RALA: variants seen among roughly 807,000 people sequenced by gnomAD.
RALA encodes the protein RAS like proto-oncogene A, also known as ras-related protein Ral-A.
RALA carries 5 observed loss-of-function variants against 24.0 expected under a neutral mutation model. The observed-to-expected ratio is 0.21, with a 90% CI of 0.11 to 0.44. The LOEUF (loss-of-function observed/expected upper bound fraction) is 0.44. Ranked by LOEUF, RALA falls within the 20% of genes least tolerant of loss-of-function variation. RALA has a pLI of 0.99. For missense variants in RALA, 95 were observed against 241.2 expected (o/e 0.39, Z 4.01); for synonymous variants, 77 against 83.8 (o/e 0.92, Z 0.44).
intron 1 of RALA, among the ~76,000 whole-genome samples, chr7:39,629,121 G>C (rs1583700362): frequency 6.6e-6 from 1 of 152,276 alleles, no homozygotes; most frequent in East Asian, 1.9e-4. Flanking sequence ...TACATCTTCA[G>C]GATAAATGCA....
At chr7:39,664,184 AACT>A (rs1792246702) in intron 1 of RALA, among the ~76,000 whole-genome samples, 1 of 152,216 alleles carries the variant, frequency 6.6e-6, no homozygotes, top group Non-Finnish European at 1.5e-5. Flanking sequence ...GGAATAGGCT[AACT>A]ACTATTTTGT....
chr7:39,680,573 C>CAA (rs746181300), intron 1 of RALA, among the ~76,000 whole-genome samples: 6 of 122,622 alleles, frequency 4.9e-5, no homozygotes, highest in African/African-American at 1.5e-4. Flanking sequence ...GAGACTGTCT[C>CAA]AAAAAAAAAA....
intron 1 of RALA, among the ~76,000 whole-genome samples, chr7:39,674,409 C>T (rs929421334): frequency 2.6e-5 from 4 of 152,062 alleles, no homozygotes; most frequent in African/African-American, 9.7e-5. Context: ...AAGCCATTCT[C>T]GTATCTGGTT....
chr7:39,655,078 T>C (rs1792074243), intron 1 of RALA, among the ~76,000 whole-genome samples: 1 of 152,246 alleles, frequency 6.6e-6, no homozygotes, highest in Non-Finnish European at 1.5e-5. Flanking sequence ...ATTGTATTTT[T>C]GCATCTAATT....
chr7:39,705,791 A>T (rs533938237), intron 4 of RALA, among the ~76,000 whole-genome samples: 5 of 151,892 alleles, frequency 3.3e-5, no homozygotes, highest in Non-Finnish European at 5.9e-5. Flanking sequence ...AAACTACTTA[A>T]ATATAATCCA....
chr7:39,643,245 A>G (rs1791852295), intron 1 of RALA, among the ~76,000 whole-genome samples: 1 of 152,232 alleles, frequency 6.6e-6, no homozygotes, highest in Non-Finnish European at 1.5e-5. Context: ...AAAGACTATT[A>G]TGTATCTGAT....
At chr7:39,706,022 A>G in intron 4 of RALA, 101 bp from the exon 5 acceptor site, 2 of 1,071,650 alleles carry the variant, frequency 1.9e-6, no homozygotes, top group Non-Finnish European at 2.7e-6. Context: ...GCTCTTAAAT[A>G]TTTATACTTC....
chr7:39,702,034 G>A (rs116736358), intron 4 of RALA, among the ~76,000 whole-genome samples: 1 of 152,234 alleles, frequency 6.6e-6, no homozygotes, highest in Non-Finnish European at 1.5e-5. Context: ...CAAAGGGGCA[G>A]TGTGATTTAT....
At position 39,696,847 on chromosome 7, in the gene RALA, T is replaced by G. The variant is rs1792931396; in HGVS notation, c.486T>G (p.Ala162=). ...NYVETSAKTR[A]NVDKVFFDLM... is the part of the protein sequence containing the mutation. ...TGGAAACATCTGCTAAAACACGAGC[T>G]AATGTTGACAAGGTAACACGTGACT... The change falls in exon 4 of 5, where the codon GCT becomes GCG. Residue 162 remains alanine (A), a synonymous_variant. Transcript: ENST00000005257. 2 of 1,611,740 alleles carry G rather than the reference T, an allele frequency of 1.2e-6. No individual in the cohort carries two copies. The highest frequency in any genetic ancestry group is 1.7e-6 in the Non-Finnish European group (2 of 1,179,340).
rs138489019 is a variant in RALA, at chr7:39,688,882, G to C, written c.115-1500G>C. 1.9e-3 allele frequency among the ~76,000 whole-genome samples: 292 copies of C among 152,278 alleles called. 1 individual carries two copies. Among genetic ancestry groups the C allele is most frequent in the African/African-American group, 6.6e-3 (276 of 41,564 alleles). ...ACAGGCTTAACAGGAAGCATGACTA[G>C]GAGGCTTCAGGAGACCTGCAATTGT... On this transcript the variant is annotated intron_variant, in intron 2 of 4. Transcript: ENST00000005257.
Position 39,654,626 on chromosome 7 carries a change from T to A in RALA, c.-38+30801T>A, listed in dbSNP as rs80058209. On this transcript the variant is annotated intron_variant, in intron 1 of 4. Coordinates refer to ENST00000005257, the MANE Select transcript of RALA (RefSeq NM_005402.4). ...AAATCATCGAATGCCTAACCCAAGG[T>A]CACATGCCTAACTCTATGCTTTCTT... Among the ~76,000 whole-genome samples the A allele has an allele frequency of 1.1e-4, 16 of 152,324 alleles. No individual in the cohort carries two copies. In the East Asian group the frequency reaches 3.1e-3, roughly 29 times the overall value.
At chr7:39,682,223 T>C (rs1792616227) in intron 1 of RALA, among the ~76,000 whole-genome samples, 1 of 152,238 alleles carries the variant, frequency 6.6e-6, no homozygotes, top group South Asian at 2.1e-4. Context: ...GAACAGTGCC[T>C]TGCACTTAGT....
intron 2 of RALA, among the ~76,000 whole-genome samples, chr7:39,689,036 G>A (rs956542883): frequency 3.3e-5 from 5 of 152,146 alleles, no homozygotes; most frequent in South Asian, 2.1e-4. Context: ...ATCAGATCTC[G>A]TGAGAACTCA....
At chr7:39,672,869 C>T (rs149678393) in intron 1 of RALA, among the ~76,000 whole-genome samples, 1 of 152,246 alleles carries the variant, frequency 6.6e-6, no homozygotes, top group African/African-American at 2.4e-5. Context: ...TGGAAATGTT[C>T]TGTACCTTGA....
intron 1 of RALA, among the ~76,000 whole-genome samples, chr7:39,657,061 G>A (rs1792109792): frequency 6.6e-6 from 1 of 151,682 alleles, no homozygotes; most frequent in Non-Finnish European, 1.5e-5. Flanking sequence ...TCCACCTCCC[G>A]GGTTTAAGCG....
intron 1 of RALA, among the ~76,000 whole-genome samples, chr7:39,631,198 G>A (rs1216528211): frequency 3.9e-5 from 6 of 151,918 alleles, no homozygotes; most frequent in Admixed American, 2.6e-4. Flanking sequence ...AGTAGAGACA[G>A]GGTTTCGCCA....
intron 1 of RALA, among the ~76,000 whole-genome samples, chr7:39,649,019 C>T (rs372320349): frequency 2.6e-4 from 40 of 152,146 alleles, no homozygotes; most frequent in Middle Eastern, 3.4e-3. Context: ...GTGATCATGC[C>T]GTTGCACTCC....
chr7:39,643,676 C>G (rs975464760), intron 1 of RALA, among the ~76,000 whole-genome samples: 12 of 151,908 alleles, frequency 7.9e-5, no homozygotes, highest in Non-Finnish European at 1.5e-4. Flanking sequence ...GCCTACATAT[C>G]AAAACCCCGT....
At chr7:39,662,274 C>T (rs917510570) in intron 1 of RALA, among the ~76,000 whole-genome samples, 14 of 152,118 alleles carry the variant, frequency 9.2e-5, no homozygotes, top group African/African-American at 2.4e-4. Flanking sequence ...CATTGGGCTC[C>T]GGAGACATTT....
Sources: gnomAD v4.1 joint callset for allele counts (sites outside exome capture counted in the v4.1 genomes callset) on GRCh38, gnomAD v4.1.1 for gene constraint, MANE v1.5 for transcripts, NCBI Gene and HGNC (gene_info 2026-07-23, HGNC 2026-07-21) for gene names.